SOHLH2: variants seen among roughly 807,000 people sequenced by gnomAD.
SOHLH2 encodes spermatogenesis and oogenesis specific basic helix-loop-helix 2.
Under a neutral mutation model 50.4 loss-of-function variants are expected in SOHLH2, and 22 were observed. The observed-to-expected ratio is 0.44, with a 90% CI of 0.31 to 0.62. SOHLH2 has a LOEUF of 0.62. Among genes scored for constraint, SOHLH2 ranks in the 20% least tolerant of loss-of-function variants. The probability of loss-of-function intolerance (pLI) is 0.08; values close to 1 mark genes in which losing one functional copy is unlikely to be tolerated. For synonymous variants in SOHLH2, 185 were observed against 187.3 expected, an observed-to-expected ratio of 0.99 and a Z score of 0.10; for missense variants, 412 against 504.4, an observed-to-expected ratio of 0.82 and a Z score of 1.76.
chr13:36,192,028 CT>C lies in SOHLH2; in HGVS notation c.431-135del, dbSNP rs912455274. On this transcript the variant is annotated intron_variant, in intron 4 of 10. Transcript: ENST00000379881. ...ATTTTACAAAGCAGTATTTTTAAAA[CT>C]GAAAGCAATTTATAGATTTCTGTGA... The C allele has an allele frequency of 8.0e-6, 8 of 996,650 alleles. No homozygotes were observed. In the African/African-American group the frequency reaches 1.2e-4, roughly 14 times the overall value. 61.7% of individuals were successfully genotyped at this position (996,650 alleles called of 1,614,324 possible).
intron 1 of SOHLH2, 67 bp downstream of exon 1, chr13:36,214,412 G>C (rs890363340): frequency 1.9e-5 from 29 of 1,562,254 alleles, no homozygotes; most frequent in Admixed American, 3.7e-5. Flanking sequence ...GGGCCGAGGG[G>C]ACCACCGACC....
chr13:36,174,863 T>C lies in SOHLH2; in HGVS notation c.648A>G (p.Arg216=). The C allele has an allele frequency of 6.4e-7, 1 of 1,573,430 alleles. No individual in the cohort carries two copies. Among genetic ancestry groups the C allele is most frequent in the Non-Finnish European group, 8.6e-7 (1 of 1,166,696 alleles). Residue 216 remains arginine, a synonymous_variant, in exon 7 of 11, where the codon AGA becomes AGG. Transcript: ENST00000379881. The stretch of plus-strand genomic sequence containing the variant: ...GCAGCTGCTCACAGCAATATTTGAT[T>C]CTTTCCCTGGACACAGAATTGCAAT... ...HSSKEKLRRE[R]IKYCCEQLRT...
intron 2 of SOHLH2, among the ~76,000 whole-genome samples, chr13:36,194,460 G>C (rs1887664499): frequency 6.6e-6 from 1 of 152,120 alleles, no homozygotes; most frequent in South Asian, 2.1e-4. Flanking sequence ...AAATAAAACA[G>C]TATTTTAGAT....
chr13:36,181,503 T>A (rs536807995), intron 6 of SOHLH2, among the ~76,000 whole-genome samples: 29 of 152,188 alleles, frequency 1.9e-4, no homozygotes, highest in Non-Finnish European at 3.7e-4. Flanking sequence ...CTCTTTAGGG[T>A]TGCTCTAGGG....
intron 6 of SOHLH2, among the ~76,000 whole-genome samples, chr13:36,177,800 T>C (rs1887133267): frequency 1.3e-5 from 2 of 152,158 alleles, no homozygotes; most frequent in African/African-American, 4.8e-5. Context: ...ATTCTTTACA[T>C]ATCTTGGATA....
chr13:36,203,799 A>T (rs1868577048), intron 1 of SOHLH2, among the ~76,000 whole-genome samples: 1 of 151,990 alleles, frequency 6.6e-6, no homozygotes. Flanking sequence ...TTTTATTATC[A>T]CATATTTATC....
intron 6 of SOHLH2, among the ~76,000 whole-genome samples, chr13:36,188,853 T>A (rs1887499184): frequency 6.6e-6 from 1 of 152,190 alleles, no homozygotes; most frequent in African/African-American, 2.4e-5. Flanking sequence ...TGTCCACTGC[T>A]TCAAAGAAAT....
rs771469428 is a variant in SOHLH2, at chr13:36,170,567, C to T, written c.1221G>A (p.Gly407=). 10 of 1,613,870 alleles carry T rather than the reference C, an allele frequency of 6.2e-6. No homozygotes were observed. The African/African-American group carries it at 1.1e-4, about 17-fold the overall frequency. ...GATGTGTAGTGCACGTCTGGCCCAA[C>T]CCAGAAGTGCAGTGCCGAGGGAGAA... is the stretch of plus-strand genomic sequence containing the variant. ...SKLLPRHCTS[G]LGQTCTTHPN... is the part of the protein sequence containing the mutation. Residue 407 remains glycine, a synonymous_variant, in exon 10 of 11, where the codon GGG becomes GGA. Transcript: ENST00000379881.
At chr13:36,202,230 G>T in intron 1 of SOHLH2, 137 bp from the exon 2 acceptor site, 2 of 1,075,944 alleles carry the variant, frequency 1.9e-6, no homozygotes, top group Non-Finnish European at 2.6e-6. Context: ...CTGGCTAGAT[G>T]GTCAACTATA....
chr13:36,198,903 A>T (rs1887813198), intron 2 of SOHLH2, among the ~76,000 whole-genome samples: 1 of 152,208 alleles, frequency 6.6e-6, no homozygotes, highest in African/African-American at 2.4e-5. Context: ...AGGAGACATA[A>T]AGCACCCAGA....
At chr13:36,169,926 T>TG (rs1886916855) in intron 10 of SOHLH2, among the ~76,000 whole-genome samples, 1 of 152,182 alleles carries the variant, frequency 6.6e-6, no homozygotes, top group Non-Finnish European at 1.5e-5. Flanking sequence ...ATATTGTAAT[T>TG]TCTGCTTCTT....
intron 1 of SOHLH2, among the ~76,000 whole-genome samples, chr13:36,205,327 T>C (rs1190962652): frequency 6.6e-6 from 1 of 152,162 alleles, no homozygotes; most frequent in Non-Finnish European, 1.5e-5. Flanking sequence ...CAGTAGGTGT[T>C]CCTGTCTTGT....
rs1164893488 is a variant in SOHLH2, at chr13:36,202,148, A to C, written c.49-55T>G. ...TAATTATTGCCTAGGCATAGGGAAA[A>C]TGTCATGTATGAGAGGATAAGATAA... On this transcript the variant is annotated intron_variant, in intron 1 of 10. Transcript: ENST00000379881. 5.0e-6 allele frequency: 8 copies of C among 1,593,716 alleles called. No individual in the cohort carries two copies. The South Asian group carries it at 7.8e-5, about 15-fold the overall frequency.
intron 2 of SOHLH2, among the ~76,000 whole-genome samples, chr13:36,195,453 C>T (rs138539917): frequency 4.6e-5 from 7 of 152,238 alleles, no homozygotes; most frequent in East Asian, 3.9e-4. Context: ...GACCAAAGAG[C>T]GAGGGAGGGC....
At chr13:36,211,304 T>G (rs1329354708) in intron 1 of SOHLH2, among the ~76,000 whole-genome samples, 1 of 152,186 alleles carries the variant, frequency 6.6e-6, no homozygotes, top group Non-Finnish European at 1.5e-5. Context: ...ATTAGTAAGG[T>G]TTATTTTTTC....
chr13:36,170,819 G>A (rs746937684), intron 9 of SOHLH2, 32 bp from the exon 10 acceptor site: 2 of 1,599,608 alleles, frequency 1.3e-6, no homozygotes, highest in East Asian at 2.2e-5. Context: ...ATATGGGTCA[G>A]TATCCACAAT....
At position 36,214,498 on chromosome 13, in the gene SOHLH2, T is replaced by G. The variant is rs1435713698; in HGVS notation, c.29A>C (p.His10Pro). 6.2e-7 allele frequency: 1 copy of G among 1,613,002 alleles called. No homozygotes were observed. Among genetic ancestry groups the G allele is most frequent in the South Asian group, 1.1e-5 (1 of 90,758 alleles). ...TCTTACCTGGCCCGAGATCTGGCAG[T>G]GCTCCTGGCAGATAATTGAGGAAGC... is the stretch of plus-strand genomic sequence containing the variant. Reference protein sequence around the residue: MASSIICQEHCQISGQAKID... With the variant: MASSIICQEPCQISGQAKID... The change falls in exon 1 of 11, where the codon CAC (histidine) becomes CCC (proline). Residue 10 changes from histidine (H) to proline (P), a missense_variant. His to Pro is a moderately conservative substitution (Grantham distance 77). Transcript: ENST00000379881.
intron 5 of SOHLH2, among the ~76,000 whole-genome samples, chr13:36,190,958 C>CA (rs1887554866): frequency 6.6e-6 from 1 of 152,158 alleles, no homozygotes; most frequent in Non-Finnish European, 1.5e-5. Context: ...AGTAGATGGC[C>CA]ACATTCTACA....
rs920028667 is a variant in SOHLH2 at position 36,182,167 on chromosome 13, G to A, written c.642-7298C>T. ...TTGATTGTGGCAGCCAAGACTGAGTGGGGAAATGCAGGAGCAAAAGATGGT... is the reference window on the plus strand; with the variant it reads ...TTGATTGTGGCAGCCAAGACTGAGTAGGGAAATGCAGGAGCAAAAGATGGT... On this transcript the variant is annotated intron_variant, in intron 6 of 10. Coordinates refer to ENST00000379881, the MANE Select transcript of SOHLH2 (RefSeq NM_017826.3). The A allele has an allele frequency of 1.0e-4, 101 of 985,290 alleles. 1 individual carries two copies. Among genetic ancestry groups the A allele is most frequent in the Non-Finnish European group, 1.2e-4 (99 of 829,936 alleles). 61.0% of individuals were successfully genotyped at this position (985,290 alleles called of 1,614,324 possible). A position where few individuals can be genotyped will look rare whatever the true frequency, so the allele number is the denominator to read the frequency against.
Sources: allele counts gnomAD v4.1 joint callset (sites outside exome capture counted in the v4.1 genomes callset), GRCh38; gene constraint gnomAD v4.1.1; transcripts MANE v1.5; gene names NCBI Gene and HGNC (gene_info 2026-07-23, HGNC 2026-07-21).